The following MCUR1 variants were observed in gnomAD, a reference collection of about 807,000 sequenced individuals.
The protein encoded by MCUR1 is MCU regulator 1.
Under a neutral mutation model 42.0 loss-of-function variants are expected in MCUR1, and 37 were observed. The ratio of observed to expected loss-of-function variants is 0.88; its 90% CI spans 0.68 to 1.16. The LOEUF (loss-of-function observed/expected upper bound fraction) is 1.16, where lower values mean the gene tolerates loss of function less well. Among genes scored for constraint, MCUR1 ranks in the 50% most tolerant of loss-of-function variants. MCUR1 has a pLI of 0.00. For synonymous variants in MCUR1, 229 were observed against 196.2 expected, an observed-to-expected ratio of 1.17 and a Z score of -1.40; for missense variants, 469 against 468.4, an observed-to-expected ratio of 1.00 and a Z score of -0.01.
chr6:13,813,582 T>G (rs965273519), intron 1 of MCUR1, among the ~76,000 whole-genome samples: 2 of 152,146 alleles, frequency 1.3e-5, no homozygotes, highest in African/African-American at 4.8e-5. Context: ...AATTAATGAT[T>G]CCATCAGAAT....
At chr6:13,796,506 G>C (rs914300433) in intron 6 of MCUR1, among the ~76,000 whole-genome samples, 1 of 151,922 alleles carries the variant, frequency 6.6e-6, no homozygotes, top group Non-Finnish European at 1.5e-5. Context: ...GGCTGGCCTC[G>C]AACTCCTGAC....
At chr6:13,810,436 C>T (rs1307209065) in intron 1 of MCUR1, among the ~76,000 whole-genome samples, 1 of 151,910 alleles carries the variant, frequency 6.6e-6, no homozygotes, top group Non-Finnish European at 1.5e-5. Flanking sequence ...CTAATTTTGC[C>T]GTTAACTGGC....
chr6:13,791,477 G>C (rs970288687), intron 8 of MCUR1, among the ~76,000 whole-genome samples: 13 of 151,974 alleles, frequency 8.6e-5, no homozygotes, highest in African/African-American at 3.1e-4. Flanking sequence ...CTCTCTTTTG[G>C]ATCAAAAATC....
chr6:13,799,371 G>C (rs376717127), intron 5 of MCUR1, among the ~76,000 whole-genome samples: 1 of 152,196 alleles, frequency 6.6e-6, no homozygotes, highest in Non-Finnish European at 1.5e-5. Flanking sequence ...GTTTAGTAGA[G>C]ATGGGGTTTC....
At chr6:13,800,666 C>T (rs1759970618) in intron 4 of MCUR1, among the ~76,000 whole-genome samples, 1 of 152,070 alleles carries the variant, frequency 6.6e-6, no homozygotes, top group South Asian at 2.1e-4. Flanking sequence ...CTAATCCTAC[C>T]CTCAAATAAC....
intron 6 of MCUR1, among the ~76,000 whole-genome samples, chr6:13,795,287 C>A (rs1158149286): frequency 6.6e-6 from 1 of 152,076 alleles, no homozygotes; most frequent in Non-Finnish European, 1.5e-5. Context: ...TAGAGGGCGG[C>A]GTGGAACAAG....
chr6:13,799,977 A>G (rs1436268321), intron 5 of MCUR1, among the ~76,000 whole-genome samples: 5 of 151,784 alleles, frequency 3.3e-5, no homozygotes, highest in Admixed American at 3.3e-4. Flanking sequence ...GATTACAGGC[A>G]CCTGCCACCA....
At chr6:13,800,239 C>G (rs1159091665) in intron 5 of MCUR1, 102 bp downstream of exon 5, 2 of 785,370 alleles carry the variant, frequency 2.5e-6, no homozygotes, top group Non-Finnish European at 4.0e-6. Context: ...ACAAACATTT[C>G]ACAAAGAATT....
chr6:13,796,815 A>T (rs755412162), intron 6 of MCUR1, among the ~76,000 whole-genome samples: 54 of 152,312 alleles, frequency 3.5e-4, no homozygotes, highest in South Asian at 1.2e-3. Flanking sequence ...GTATTTCCTG[A>T]TGTCCTTGAT....
intron 4 of MCUR1, 150 bp from the exon 5 acceptor site, chr6:13,800,532 G>A (rs1453795530): frequency 1.4e-5 from 8 of 557,836 alleles, no homozygotes; most frequent in South Asian, 8.0e-5. Context: ...TACAACACAC[G>A]TATCTTGAAA....
chr6:13,787,150 G>C lies in MCUR1; in HGVS notation c.*3659C>G, dbSNP rs1759622151. ...ACATGGTTAATTAACAGACAGGCTT[G>C]AAAGGAGAAGGCTAGAAGAGGGAAG... On this transcript the variant is annotated 3_prime_UTR_variant, in exon 9 of 9. Coordinates refer to ENST00000379170, the MANE Select transcript of MCUR1 (RefSeq NM_001031713.4). 1 of 152,182 alleles carries C rather than the reference G, an allele frequency of 6.6e-6. No individual in the cohort carries two copies. The highest frequency in any genetic ancestry group is 6.5e-5 in the Admixed American group (1 of 15,270). The allele number at this position is 152,182 out of a possible 1,614,324, so 9.4% of individuals were successfully genotyped here.
intron 3 of MCUR1, among the ~76,000 whole-genome samples, chr6:13,801,860 C>T (rs941550140): frequency 6.6e-6 from 1 of 151,820 alleles, no homozygotes; most frequent in Admixed American, 6.6e-5. Context: ...CTCAAAAAGA[C>T]CCCCCCAAAA....
intron 2 of MCUR1, among the ~76,000 whole-genome samples, chr6:13,805,505 T>C (rs1193002137): frequency 6.6e-6 from 1 of 152,222 alleles, no homozygotes; most frequent in East Asian, 1.9e-4. Flanking sequence ...ACACTCATAC[T>C]ATAGATGGGC....
chr6:13,804,502 C>T (rs12664769), intron 2 of MCUR1, among the ~76,000 whole-genome samples: 33 of 151,566 alleles, frequency 2.2e-4, no homozygotes, highest in South Asian at 2.1e-4. Context: ...TGGCCGGGCG[C>T]GGTGGCTCAC....
Position 13,801,413 on chromosome 6 carries a change from ATAATC to A in MCUR1, c.640-29_640-25del, listed in dbSNP as rs955229065. 4 of 1,524,786 alleles carry A rather than the reference ATAATC, an allele frequency of 2.6e-6. No homozygotes were observed. In the African/African-American group the frequency reaches 4.1e-5, roughly 16 times the overall value. 94.5% of individuals were successfully genotyped at this position (1,524,786 alleles called of 1,614,324 possible). A position where few individuals can be genotyped will look rare whatever the true frequency, so the allele number is the denominator to read the frequency against. On this transcript the variant is annotated intron_variant, in intron 3 of 8. Transcript: ENST00000379170. ...TCCTAGGAAAAGAAAAACAAAACACATAATCTAGTCTACCCTAAAAAGTCCACTTC... is the reference window on the plus strand; with the variant it reads ...TCCTAGGAAAAGAAAAACAAAACACATAGTCTACCCTAAAAAGTCCACTTC...
chr6:13,806,841 A>G, intron 2 of MCUR1, 84 bp downstream of exon 2: 3 of 1,386,058 alleles, frequency 2.2e-6, no homozygotes, highest in Non-Finnish European at 2.9e-6. Flanking sequence ...AAAGAGGAAC[A>G]TGAGAAATTA....
chr6:13,795,249 A>T (rs1759830294), intron 6 of MCUR1, among the ~76,000 whole-genome samples: 1 of 152,186 alleles, frequency 6.6e-6, no homozygotes, highest in Non-Finnish European at 1.5e-5. Context: ...GTTTCAGACC[A>T]GGAGAGCCCG....
chr6:13,811,025 G>A (rs1275520144), intron 1 of MCUR1, among the ~76,000 whole-genome samples: 2 of 152,136 alleles, frequency 1.3e-5, no homozygotes, highest in Non-Finnish European at 2.9e-5. Context: ...TTTCCCAATC[G>A]TTAAACTTTA....
chr6:13,797,062 A>G (rs887222256), intron 6 of MCUR1, among the ~76,000 whole-genome samples: 1 of 152,226 alleles, frequency 6.6e-6, no homozygotes, highest in Non-Finnish European at 1.5e-5. Context: ...CTTAATAATT[A>G]TTTTGTATAA....
Sources: gnomAD v4.1 joint callset for allele counts (sites outside exome capture counted in the v4.1 genomes callset) on GRCh38, gnomAD v4.1.1 for gene constraint, MANE v1.5 for transcripts, NCBI Gene and HGNC (gene_info 2026-07-23, HGNC 2026-07-21) for gene names.